Variants in WNK1 observed in about 807,000 individuals in gnomAD.
The protein encoded by WNK1 is serine/threonine-protein kinase WNK1.
In WNK1, 38 loss-of-function variants were observed where a neutral mutation model predicts 222.8. That is an observed-to-expected ratio of 0.17 (90% CI 0.13 to 0.22). WNK1 has a LOEUF of 0.22. WNK1 is among the 10% of genes least tolerant of loss of function. The probability of loss-of-function intolerance (pLI) is 1.00; values close to 1 mark genes in which losing one functional copy is unlikely to be tolerated. For missense variants in WNK1, 2,348 were observed against 2,918.4 expected, an observed-to-expected ratio of 0.80 and a Z score of 4.50; for synonymous variants, 1,090 against 1,092.9, an observed-to-expected ratio of 1.00 and a Z score of 0.05.
At chr12:897,343 C>G (rs554038097) in intron 24 of WNK1, 136 bp from the exon 25 acceptor site, 1 of 711,032 alleles carries the variant, frequency 1.4e-6, no homozygotes, top group Non-Finnish European at 2.5e-6. Flanking sequence ...ACTAGAATCT[C>G]GTGGTAGTAC....
intron 8 of WNK1, among the ~76,000 whole-genome samples, 175 bp downstream of exon 8, chr12:862,445 T>C (rs995948006): frequency 2.0e-5 from 3 of 152,256 alleles, no homozygotes; most frequent in African/African-American, 7.2e-5. Flanking sequence ...GTGTGGGCAT[T>C]AGCTGAACTG....
At chr12:773,919 G>A (rs529777941) in intron 1 of WNK1, among the ~76,000 whole-genome samples, 117 of 152,208 alleles carry the variant, frequency 7.7e-4, no homozygotes, top group Non-Finnish European at 1.4e-3. Flanking sequence ...TATAGTGGGC[G>A]AGGGTCTTAC....
chr12:896,147 C>G lies in WNK1; in HGVS notation c.5660C>G (p.Ser1887Cys), dbSNP rs1954716794. 1 of 1,614,090 alleles carries G rather than the reference C, an allele frequency of 6.2e-7. No homozygotes were observed. Among genetic ancestry groups the G allele is most frequent in the African/African-American group, 1.3e-5 (1 of 74,916 alleles). ...SEDAKSVHFE[S>C]STSESSVLSS... The stretch of plus-strand genomic sequence containing the variant: ...GATGCAAAGTCTGTTCATTTTGAAT[C>G]CAGCACCTCAGAGTCCTCAGTGCTA... The change falls in exon 24 of 28, where the codon TCC becomes TGC. Residue 1887 changes from serine to cysteine, a missense_variant. Physicochemically the swap from Ser to Cys is moderately radical, Grantham distance 112 (BLOSUM62 -1). Transcript: ENST00000315939.
chr12:865,404 C>T (rs1202955885), intron 8 of WNK1: 3 of 1,514,286 alleles, frequency 2.0e-6, no homozygotes, highest in Non-Finnish European at 2.7e-6. Context: ...ACAATTATTA[C>T]CAATGAATAC....
At chr12:895,534 C>T (rs1342779094) in intron 23 of WNK1, among the ~76,000 whole-genome samples, 1 of 152,196 alleles carries the variant, frequency 6.6e-6, no homozygotes, top group Non-Finnish European at 1.5e-5. Flanking sequence ...TCTCAGCCCA[C>T]TGCAGCCTCT....
intron 4 of WNK1, among the ~76,000 whole-genome samples, chr12:849,874 A>C (rs1009495953): frequency 2.0e-5 from 3 of 152,096 alleles, no homozygotes; most frequent in Non-Finnish European, 4.4e-5. Flanking sequence ...AGCTTCATCC[A>C]TGTCCCTACA....
At position 896,646 on chromosome 12, in the gene WNK1, A is replaced by C. The variant is rs531765960; in HGVS notation, c.6159A>C (p.Ser2053=). 2 of 1,609,288 alleles carry C rather than the reference A, an allele frequency of 1.2e-6. No individual in the cohort carries two copies. Among genetic ancestry groups the C allele is most frequent in the East Asian group, 4.5e-5 (2 of 44,822 alleles). ...SQNLSQSLSN[S]FNSSYMSSDN... Reference sequence around the variant, plus strand: ...ATCTAAGTCAAAGCCTTAGTAATTCATTTAACTCCTCTTACATGAGTAGCG... The same window carrying C: ...ATCTAAGTCAAAGCCTTAGTAATTCCTTTAACTCCTCTTACATGAGTAGCG... Residue 2053 remains serine (S), a synonymous_variant, in exon 24 of 28, where the codon TCA becomes TCC. Transcript: ENST00000315939.
At chr12:773,873 C>G (rs774718935) in intron 1 of WNK1, among the ~76,000 whole-genome samples, 51 of 152,204 alleles carry the variant, frequency 3.4e-4, no homozygotes, top group Non-Finnish European at 5.7e-4. Flanking sequence ...CTTCATTTCC[C>G]CACAGTGTTA....
At chr12:844,437 G>A (rs1223147927) in intron 4 of WNK1, among the ~76,000 whole-genome samples, 1 of 152,102 alleles carries the variant, frequency 6.6e-6, no homozygotes, top group Non-Finnish European at 1.5e-5. Context: ...CGCCAGGCCT[G>A]GTTGTTGCTT....
Position 910,484 on chromosome 12 carries a change from C to G in WNK1, c.*1692C>G, listed in dbSNP as rs1299224383. On this transcript the variant is annotated 3_prime_UTR_variant, in exon 28 of 28. Coordinates refer to ENST00000315939, the MANE Select transcript of WNK1 (RefSeq NM_018979.4). ...ATAACTGCAACCAATCAGTGTTATT[C>G]AGTGCTATGCCTCCTTGTAATGGGT... 1 of 152,112 alleles carries G rather than the reference C, an allele frequency of 6.6e-6. No individual in the cohort carries two copies. Among genetic ancestry groups the G allele is most frequent in the Non-Finnish European group, 1.5e-5 (1 of 68,022 alleles). The allele number at this position is 152,112 out of a possible 1,614,324, so 9.4% of individuals were successfully genotyped here. A position where few individuals can be genotyped will look rare whatever the true frequency, so the allele number is the denominator to read the frequency against.
intron 4 of WNK1, among the ~76,000 whole-genome samples, chr12:854,991 T>C (rs1462612151): frequency 6.6e-6 from 1 of 152,218 alleles, no homozygotes. Flanking sequence ...CAATATACAG[T>C]TCGTTGAATC....
Position 879,571 on chromosome 12 carries a change from A to G in WNK1, c.2374-2A>G, listed in dbSNP as rs1247907206. The G allele has an allele frequency of 1.6e-5, 25 of 1,521,808 alleles. No individual in the cohort carries two copies. Among genetic ancestry groups the G allele is most frequent in the Middle Eastern group, 2.2e-4 (1 of 4,468 alleles). 94.3% of individuals were successfully genotyped at this position (1,521,808 alleles called of 1,614,324 possible). A position where few individuals can be genotyped will look rare whatever the true frequency, so the allele number is the denominator to read the frequency against. ...CTGTTTTGTTTTTCTTTACCTTCCC[A>G]GCTTCCAGTTTCCCAGCCAGTACCA... is the stretch of plus-strand genomic sequence containing the variant. On this transcript the variant is annotated splice_acceptor_variant, in intron 10 of 27. Coordinates refer to ENST00000315939, the MANE Select transcript of WNK1 (RefSeq NM_018979.4). LOFTEE classifies it high-confidence loss of function.
At chr12:878,167 G>A in intron 9 of WNK1, 45 bp from the exon 10 acceptor site, 1 of 1,612,392 alleles carries the variant, frequency 6.2e-7, no homozygotes, top group Non-Finnish European at 8.5e-7. Context: ...GAAACATGCT[G>A]TTATTGATTT....
At chr12:860,011 C>T (rs948615841) in intron 6 of WNK1, among the ~76,000 whole-genome samples, 5 of 151,898 alleles carry the variant, frequency 3.3e-5, no homozygotes, top group African/African-American at 4.8e-5. Context: ...CCACTTCGCC[C>T]GGCCAAAAGT....
chr12:835,309 G>A (rs551968366), intron 4 of WNK1, among the ~76,000 whole-genome samples: 2 of 152,224 alleles, frequency 1.3e-5, no homozygotes, highest in East Asian at 3.9e-4. Context: ...TTGCACTCGA[G>A]CCTGGACAAT....
chr12:815,931 A>C (rs948348048), intron 2 of WNK1, among the ~76,000 whole-genome samples: 2 of 152,258 alleles, frequency 1.3e-5, no homozygotes, highest in African/African-American at 2.4e-5. Flanking sequence ...AAGGAAAGAA[A>C]GGTTAACCTC....
At chr12:773,068 G>T (rs1433951488) in intron 1 of WNK1, among the ~76,000 whole-genome samples, 1 of 152,162 alleles carries the variant, frequency 6.6e-6, no homozygotes, top group Non-Finnish European at 1.5e-5. Context: ...AGACCAGCCT[G>T]ACCAACATGG....
At chr12:811,988 T>A (rs1946948333) in intron 1 of WNK1, among the ~76,000 whole-genome samples, 1 of 152,214 alleles carries the variant, frequency 6.6e-6, no homozygotes, top group African/African-American at 2.4e-5. Flanking sequence ...TTCTAAATAT[T>A]TCTATGGAAT....
chr12:785,589 G>C (rs1056774978), intron 1 of WNK1, among the ~76,000 whole-genome samples: 1 of 151,950 alleles, frequency 6.6e-6, no homozygotes, highest in African/African-American at 2.4e-5. Context: ...AGTAGAGACG[G>C]GGTTTCACCG....
Sources: allele counts gnomAD v4.1 joint callset (sites outside exome capture counted in the v4.1 genomes callset), GRCh38; gene constraint gnomAD v4.1.1; transcripts MANE v1.5; gene names NCBI Gene and HGNC (gene_info 2026-07-23, HGNC 2026-07-21).